LRRC2: variants seen among roughly 807,000 people sequenced by gnomAD.
The protein encoded by LRRC2 is leucine rich repeat containing 2, also known as leucine-rich repeat-containing protein 2.
LRRC2 carries 27 observed loss-of-function variants against 40.2 expected under a neutral mutation model. The ratio of observed to expected loss-of-function variants is 0.67; its 90% confidence interval spans 0.49 to 0.93. The LOEUF (loss-of-function observed/expected upper bound fraction) is 0.93. LRRC2 is among the 40% of genes least tolerant of loss of function. The probability of loss-of-function intolerance (pLI) is 0.00; values close to 1 mark genes in which losing one functional copy is unlikely to be tolerated. For missense variants in LRRC2, 402 were observed against 439.6 expected, an observed-to-expected ratio of 0.91 and a Z score of 0.76; for synonymous variants, 147 against 158.9, an observed-to-expected ratio of 0.92 and a Z score of 0.56.
In LRRC2 at chr3:46,516,501, C is replaced by T. The variant is rs1446863741; in HGVS notation, c.*2513G>A. 2.0e-5 allele frequency: 3 copies of T among 152,116 alleles called. No individual in the cohort carries two copies. Among genetic ancestry groups the T allele is most frequent in the African/African-American group, 7.2e-5 (3 of 41,414 alleles). 9.4% of individuals were successfully genotyped at this position (152,116 alleles called of 1,614,324 possible). ...ACCATACATTTCTACCCCAGATTAACTTCCAAAAAAACAAATAACTAGCTA... is the reference window on the plus strand; with the variant it reads ...ACCATACATTTCTACCCCAGATTAATTTCCAAAAAAACAAATAACTAGCTA... On this transcript the variant is annotated 3_prime_UTR_variant, in exon 9 of 9. Transcript: ENST00000395905.
At chr3:46,544,469 A>G (rs1704481447) in intron 3 of LRRC2, among the ~76,000 whole-genome samples, 1 of 152,210 alleles carries the variant, frequency 6.6e-6, no homozygotes. Context: ...AGACTCTTGA[A>G]CAAAACAAAA....
rs534861864 is a variant in LRRC2 at position 46,553,087 on chromosome 3, T to C, written c.-19-1477A>G. Among the ~76,000 whole-genome samples, 2 of 152,314 alleles carry C rather than the reference T, an allele frequency of 1.3e-5. 1 individual carries two copies. Among genetic ancestry groups the C allele is most frequent in the South Asian group, 4.1e-4 (2 of 4,832 alleles). ...AATGAATGAATGAGTAAATAAAAGA[T>C]ATTGCTTCACTCTCAGGACACTAAA... On this transcript the variant is annotated intron_variant, in intron 1 of 8. Transcript: ENST00000395905.
At chr3:46,563,745 G>T (rs2107067095) in intron 1 of LRRC2, among the ~76,000 whole-genome samples, 1 of 152,344 alleles carries the variant, frequency 6.6e-6, no homozygotes, top group Middle Eastern at 3.4e-3. Context: ...AGCCACTTGG[G>T]AGTCCCCAGA....
intron 1 of LRRC2, among the ~76,000 whole-genome samples, chr3:46,561,410 C>T (rs1704938844): frequency 6.6e-6 from 1 of 152,018 alleles, no homozygotes; most frequent in Non-Finnish European, 1.5e-5. Context: ...AATAAAATAG[C>T]TGGGTGGTGG....
At chr3:46,532,009 A>G (rs952680453) in intron 5 of LRRC2, among the ~76,000 whole-genome samples, 10 of 152,244 alleles carry the variant, frequency 6.6e-5, no homozygotes, top group African/African-American at 2.2e-4. Context: ...TTGTCCATGA[A>G]TACAGACCAA....
intron 4 of LRRC2, among the ~76,000 whole-genome samples, chr3:46,538,085 A>G (rs1195512101): frequency 6.6e-6 from 1 of 152,186 alleles, no homozygotes; most frequent in Non-Finnish European, 1.5e-5. Flanking sequence ...GTCTTGACAC[A>G]GCCAGCAAGA....
At chr3:46,544,998 C>T in intron 3 of LRRC2, 48 bp downstream of exon 3, 2 of 1,539,466 alleles carry the variant, frequency 1.3e-6, no homozygotes, top group Non-Finnish European at 1.8e-6. Context: ...AGGCGAGCAG[C>T]AGTCATCGAC....
Position 46,539,164 on chromosome 3 carries a change from C to T in LRRC2, c.371G>A (p.Arg124Lys). The change falls in exon 4 of 9, where the codon AGA becomes AAA. Residue 124 changes from arginine to lysine, a missense_variant. Arg to Lys is a conservative substitution (Grantham distance 26). Transcript: ENST00000395905. ...PDSLKEQTHL[R>K]EWYISNTLIQ... ...CAAGGTATTGCTTATGTACCATTCT[C>T]TCAGGTGTGTCTGCTCCTTCAATGA... The T allele has an allele frequency of 6.2e-7, 1 of 1,613,976 alleles. No homozygotes were observed. The highest frequency in any genetic ancestry group is 8.5e-7 in the Non-Finnish European group (1 of 1,179,956).
chr3:46,555,062 C>G (rs1476913209), intron 1 of LRRC2, among the ~76,000 whole-genome samples: 1 of 152,110 alleles, frequency 6.6e-6, no homozygotes, highest in Non-Finnish European at 1.5e-5. Flanking sequence ...CTATTCAGAT[C>G]CTTTCCCCTT....
intron 1 of LRRC2, chr3:46,558,256 A>G (rs1360760201): frequency 6.6e-6 from 1 of 152,180 alleles, no homozygotes; most frequent in African/African-American, 2.4e-5. Context: ...CGCTCACTTT[A>G]AAGGGCCAAT....
At chr3:46,527,789 A>G (rs1483314468) in intron 6 of LRRC2, among the ~76,000 whole-genome samples, 1 of 151,858 alleles carries the variant, frequency 6.6e-6, no homozygotes, top group Admixed American at 6.6e-5. Flanking sequence ...GTGCAGTGGT[A>G]CAATCTCGGC....
intron 8 of LRRC2, 92 bp downstream of exon 8, chr3:46,521,430 C>T (rs1703962017): frequency 9.6e-7 from 1 of 1,045,900 alleles, no homozygotes; most frequent in South Asian, 1.8e-5. Context: ...AACCAATAAA[C>T]TTTTTGTCAA....
intron 7 of LRRC2, among the ~76,000 whole-genome samples, chr3:46,525,259 TTC>T (rs200792317): frequency 0.095 from 11,105 of 116,876 alleles, 647 homozygotes; most frequent in South Asian, 0.23. Context: ...AGGCCTTTTT[TTC>T]TTTTTTTTAG....
intron 6 of LRRC2, among the ~76,000 whole-genome samples, chr3:46,529,202 CA>C (rs1247325163): frequency 6.6e-6 from 1 of 152,016 alleles, no homozygotes; most frequent in African/African-American, 2.4e-5. Flanking sequence ...CTAGGCTTGC[CA>C]TACAGGAGTC....
rs191639531 is a variant in LRRC2, at chr3:46,563,022, G to A, written c.-20+3155C>T. ...ATTACAGGTATGAGCCACTGTACTC[G>A]GCCAGAAGTCACTTCTTTTGCTTCG... is the stretch of plus-strand genomic sequence containing the variant. On this transcript the variant is annotated intron_variant, in intron 1 of 8. Coordinates refer to ENST00000395905, the MANE Select transcript of LRRC2 (RefSeq NM_024512.5). 2.3e-3 allele frequency among the ~76,000 whole-genome samples: 357 copies of A among 152,092 alleles called. 2 individuals carry two copies. Among genetic ancestry groups the A allele is most frequent in the Admixed American group, 5.9e-3 (90 of 15,278 alleles).
At chr3:46,519,195 A>G in intron 8 of LRRC2, 132 bp from the exon 9 acceptor site, 3 of 725,762 alleles carry the variant, frequency 4.1e-6, no homozygotes, top group Non-Finnish European at 7.5e-6. Context: ...AAGTATAGAG[A>G]TACTGTATAG....
intron 6 of LRRC2, 142 bp downstream of exon 6, chr3:46,529,762 GA>G (rs1358586070): frequency 5.8e-6 from 5 of 865,360 alleles, no homozygotes; most frequent in East Asian, 5.3e-5. Flanking sequence ...AATTTCCTCG[GA>G]AACTGATTTC....
At chr3:46,527,296 T>A in intron 7 of LRRC2, 130 bp downstream of exon 7, 1 of 928,158 alleles carries the variant, frequency 1.1e-6, no homozygotes, top group Non-Finnish European at 1.6e-6. Context: ...AGAACTTCTG[T>A]GAGTTGGGAT....
At chr3:46,539,926 G>A in intron 3 of LRRC2, among the ~76,000 whole-genome samples, 1 of 152,044 alleles carries the variant, frequency 6.6e-6, no homozygotes, top group Middle Eastern at 3.4e-3. Context: ...TTGCAGGTGA[G>A]GGGTGCTCAG....
Sources: gnomAD v4.1 joint callset for allele counts (sites outside exome capture counted in the v4.1 genomes callset) on GRCh38, gnomAD v4.1.1 for gene constraint, MANE v1.5 for transcripts, NCBI Gene and HGNC (gene_info 2026-07-23, HGNC 2026-07-21) for gene names.